The following EIF4G3 variants were observed in gnomAD, a reference collection of about 807,000 sequenced individuals.
EIF4G3 encodes the protein eIF-4-gamma 3.
Under a neutral mutation model 186.4 loss-of-function variants are expected in EIF4G3, and 34 were observed. The ratio of observed to expected loss-of-function variants is 0.18; its 90% CI spans 0.14 to 0.24. The LOEUF is 0.24. EIF4G3 is among the 10% of genes least tolerant of loss of function. The pLI is 1.00. For synonymous variants in EIF4G3, 673 were observed against 679.5 expected, an observed-to-expected ratio of 0.99 and a Z score of 0.15; for missense variants, 1,536 against 1,948.5, an observed-to-expected ratio of 0.79 and a Z score of 3.99.
At chr1:20,837,217 CT>C (rs869204646) in intron 30 of EIF4G3, among the ~76,000 whole-genome samples, 28 of 146,876 alleles carry the variant, frequency 1.9e-4, no homozygotes, top group Non-Finnish European at 1.8e-4. Flanking sequence ...TTCTGCTTTT[CT>C]TTTTTTTTTT....
chr1:21,088,621 T>C (rs1219800809), intron 3 of EIF4G3, among the ~76,000 whole-genome samples: 1 of 152,222 alleles, frequency 6.6e-6, no homozygotes, highest in Middle Eastern at 3.4e-3. Context: ...TCCCAGCACG[T>C]TGGGAGGCCA....
At chr1:20,853,521 G>A (rs773475517) in intron 27 of EIF4G3, 39 bp downstream of exon 27, 5 of 1,379,034 alleles carry the variant, frequency 3.6e-6, no homozygotes, top group South Asian at 2.3e-5. Flanking sequence ...ACTGGCAAGC[G>A]GGCCAGCCTT....
rs1466603124 is a variant in EIF4G3 at position 20,973,048 on chromosome 1, A to C, written c.545T>G (p.Val182Gly). 1 of 1,610,752 alleles carries C rather than the reference A, an allele frequency of 6.2e-7. No homozygotes were observed. The highest frequency in any genetic ancestry group is 8.5e-7 in the Non-Finnish European group (1 of 1,179,248). ...TGGAGGCGGCTGTTGCTGCGTAGGC[A>C]CTATGATAGGTGCTGACTGATACAC... ...QPVYQSAPII[V>G]PTQQQPPPAK... The change falls in exon 11 of 37, where the codon GTG becomes GGG. Residue 182 changes from valine to glycine, a missense_variant. By Grantham distance (109) the Val-to-Gly change is moderately radical (BLOSUM62 -3). Around this residue, in one of 11 missense-constraint regions of EIF4G3, gnomAD observed 194 missense variants for 212.8 expected, o/e 0.91. Coordinates refer to ENST00000602326, the MANE Select transcript of EIF4G3 (RefSeq NM_001391906.1).
intron 4 of EIF4G3, among the ~76,000 whole-genome samples, chr1:21,017,371 G>GT (rs1265876252): frequency 6.6e-6 from 1 of 152,124 alleles, no homozygotes; most frequent in Middle Eastern, 3.2e-3. Flanking sequence ...GCTCACGCCT[G>GT]TAATCCCAGC....
intron 2 of EIF4G3, among the ~76,000 whole-genome samples, chr1:21,099,993 T>C (rs2096480222): frequency 1.3e-5 from 2 of 152,152 alleles, no homozygotes; most frequent in Admixed American, 6.5e-5. Context: ...GATGGACAAA[T>C]TGTGGCATAT....
intron 18 of EIF4G3, among the ~76,000 whole-genome samples, chr1:20,886,682 G>T (rs72652953): frequency 6.6e-6 from 1 of 152,182 alleles, no homozygotes; most frequent in Non-Finnish European, 1.5e-5. Flanking sequence ...AATAACTGTG[G>T]ACTGGTCACT....
chr1:20,969,432 G>A, intron 12 of EIF4G3, 42 bp downstream of exon 12: 4 of 1,610,864 alleles, frequency 2.5e-6, no homozygotes, highest in Non-Finnish European at 3.4e-6. Context: ...GTAGAGGTTA[G>A]TGAACAAATA....
At chr1:21,136,312 T>C (rs1278543603) in intron 2 of EIF4G3, among the ~76,000 whole-genome samples, 1 of 151,490 alleles carries the variant, frequency 6.6e-6, no homozygotes, top group Non-Finnish European at 1.5e-5. Context: ...AGGTCAGTAG[T>C]TCAAGGCCAA....
chr1:21,003,005 T>TTA (rs1553122915), intron 4 of EIF4G3, among the ~76,000 whole-genome samples, 197 bp from the exon 5 acceptor site: 4 of 149,964 alleles, frequency 2.7e-5, no homozygotes, highest in Non-Finnish European at 4.5e-5. Context: ...TTTTTTTTTT[T>TTA]AAATTAATGA....
At chr1:20,981,296 T>A (rs2077914306) in intron 8 of EIF4G3, 69 bp from the exon 9 acceptor site, 2 of 1,000,462 alleles carry the variant, frequency 2.0e-6, no homozygotes, top group Admixed American at 6.1e-5. Flanking sequence ...TTTTACTGTC[T>A]CCTTTTCTTC....
At chr1:21,023,728 G>T (rs1275382588) in intron 4 of EIF4G3, among the ~76,000 whole-genome samples, 2 of 150,648 alleles carry the variant, frequency 1.3e-5, no homozygotes, top group African/African-American at 4.9e-5. Context: ...CATCGTCTGG[G>T]ATGTGAGGAG....
intron 16 of EIF4G3, 23 bp downstream of exon 16, chr1:20,899,674 T>C (rs776301899): frequency 1.9e-6 from 3 of 1,613,100 alleles, no homozygotes; most frequent in Non-Finnish European, 1.7e-6. Flanking sequence ...AAGAGGTACA[T>C]AGGAAGGCAG....
chr1:21,112,163 T>C (rs2096737917), intron 2 of EIF4G3, among the ~76,000 whole-genome samples: 1 of 152,226 alleles, frequency 6.6e-6, no homozygotes, highest in South Asian at 2.1e-4. Context: ...AACAGTAACA[T>C]AAAATATTAG....
At chr1:21,019,719 C>T (rs1195853007) in intron 4 of EIF4G3, among the ~76,000 whole-genome samples, 2 of 152,022 alleles carry the variant, frequency 1.3e-5, no homozygotes, top group Non-Finnish European at 1.5e-5. Flanking sequence ...CCTGTCTCTA[C>T]TAAAAATACA....
In EIF4G3 at chr1:21,037,635, G is replaced by A. The variant is rs6692391; in HGVS notation, c.-67+13231C>T. ...AAAGCATATTATCTGTAAAAAAGCTGTAACAGTCTGTTTTAGCTACTGAAC... is the reference window on the plus strand; with the variant it reads ...AAAGCATATTATCTGTAAAAAAGCTATAACAGTCTGTTTTAGCTACTGAAC... On this transcript the variant is annotated intron_variant, in intron 4 of 36. Coordinates refer to ENST00000602326, the MANE Select transcript of EIF4G3 (RefSeq NM_001391906.1). Among the ~76,000 whole-genome samples, 939 of 152,270 alleles carry A rather than the reference G, an allele frequency of 6.2e-3. 8 individuals are homozygous for A. The highest frequency in any genetic ancestry group is 0.022 in the African/African-American group (904 of 41,550).
intron 14 of EIF4G3, among the ~76,000 whole-genome samples, chr1:20,933,737 G>A (rs866779960): frequency 4.6e-5 from 7 of 152,082 alleles, no homozygotes; most frequent in East Asian, 1.9e-4. Flanking sequence ...AGGGAGGTTC[G>A]TCAACAGTGG....
At chr1:21,109,185 T>G (rs1025805332) in intron 2 of EIF4G3, among the ~76,000 whole-genome samples, 1 of 152,212 alleles carries the variant, frequency 6.6e-6, no homozygotes, top group African/African-American at 2.4e-5. Context: ...AGCACCGCAC[T>G]CCAGCCTGGG....
In EIF4G3 at chr1:20,813,294, A is replaced by T. The variant is rs1167902751; in HGVS notation, c.4516-55T>A. ...AGATACCTTGCTCAGCCAGGCACAGAGGCTCATGCCTGTAATCCCAACACT... is the reference window on the plus strand; with the variant it reads ...AGATACCTTGCTCAGCCAGGCACAGTGGCTCATGCCTGTAATCCCAACACT... On this transcript the variant is annotated intron_variant, in intron 34 of 36. Transcript: ENST00000602326. 17 of 1,315,768 alleles carry T rather than the reference A, an allele frequency of 1.3e-5. No individual in the cohort carries two copies. The Admixed American group carries it at 3.0e-4, about 23-fold the overall frequency. 81.5% of individuals were successfully genotyped at this position (1,315,768 alleles called of 1,614,324 possible).
At chr1:21,100,130 T>C (rs777844628) in intron 2 of EIF4G3, among the ~76,000 whole-genome samples, 120 of 152,312 alleles carry the variant, frequency 7.9e-4, no homozygotes, top group Non-Finnish European at 1.5e-3. Context: ...CATGTGATTC[T>C]GCTTATATGA....
Sources: allele counts gnomAD v4.1 joint callset (sites outside exome capture counted in the v4.1 genomes callset), GRCh38; gene constraint gnomAD v4.1.1; regional missense constraint gnomAD v4.1.1; transcripts MANE v1.5; gene names NCBI Gene and HGNC (gene_info 2026-07-23, HGNC 2026-07-21).